CSMD1: variants seen among roughly 807,000 people sequenced by gnomAD.
The protein encoded by CSMD1 is CUB and Sushi multiple domains 1, also known as CUB and sushi domain-containing protein 1.
A neutral mutation model predicts 417.5 loss-of-function variants in CSMD1; 213 were observed. The observed-to-expected ratio is 0.51, with a 90% CI of 0.46 to 0.57. CSMD1 has a LOEUF of 0.57. CSMD1 is among the 20% of genes least tolerant of loss of function. The pLI is 0.00. For synonymous variants in CSMD1, 2,862 were observed against 1,736.8 expected, an observed-to-expected ratio of 1.65 and a Z score of -16.11; for missense variants, 6,923 against 4,529.7, an observed-to-expected ratio of 1.53 and a Z score of -15.17.
At chr8:3,267,046 T>C (rs2117124998) in intron 26 of CSMD1, among the ~76,000 whole-genome samples, 1 of 152,292 alleles carries the variant, frequency 6.6e-6, no homozygotes, top group Non-Finnish European at 1.5e-5. Context: ...TGTCAGAGAC[T>C]TGAGCATATT....
At chr8:3,969,352 C>G (rs1184409009) in intron 5 of CSMD1, among the ~76,000 whole-genome samples, 1 of 152,194 alleles carries the variant, frequency 6.6e-6, no homozygotes. Flanking sequence ...CCTAATGGAA[C>G]ATCACAGAAT....
At chr8:3,923,804 C>G (rs1029184739) in intron 5 of CSMD1, among the ~76,000 whole-genome samples, 1 of 152,166 alleles carries the variant, frequency 6.6e-6, no homozygotes, top group Admixed American at 6.5e-5. Context: ...TACCACTGTT[C>G]TACTCCCTGC....
chr8:4,704,281 C>T (rs146143965), intron 1 of CSMD1, among the ~76,000 whole-genome samples: 1 of 152,182 alleles, frequency 6.6e-6, no homozygotes, highest in African/African-American at 2.4e-5. Flanking sequence ...AAAACAGAGA[C>T]TTTTACTTAT....
chr8:4,662,771 A>G (rs893489465), intron 1 of CSMD1, among the ~76,000 whole-genome samples: 7 of 152,178 alleles, frequency 4.6e-5, no homozygotes, highest in Non-Finnish European at 1.0e-4. Context: ...TGATGCTCAC[A>G]TTCCTTTTCC....
chr8:4,927,972 C>T (rs1806983919), intron 1 of CSMD1, among the ~76,000 whole-genome samples: 2 of 152,074 alleles, frequency 1.3e-5, no homozygotes, highest in South Asian at 4.1e-4. Context: ...TCTTTCAGAC[C>T]CAAGTCTGTG....
intron 2 of CSMD1, among the ~76,000 whole-genome samples, chr8:4,615,235 C>T (rs1341647825): frequency 1.3e-5 from 2 of 152,130 alleles, no homozygotes; most frequent in Non-Finnish European, 2.9e-5. Context: ...CCCATGTGAA[C>T]ACAACACACC....
chr8:4,903,319 G>C (rs1044744650), intron 1 of CSMD1, among the ~76,000 whole-genome samples: 4 of 152,058 alleles, frequency 2.6e-5, no homozygotes, highest in Non-Finnish European at 4.4e-5. Flanking sequence ...TTGCTTTATG[G>C]ATAAAATTAC....
At position 4,437,968 on chromosome 8, in the gene CSMD1, A is replaced by T. The variant is rs188655687; in HGVS notation, c.303-17903T>A. ...CTAAGTGTTTTCCATGTATTTTCTC[A>T]TAAATGTTGACAGAAACCCAATAAA... On this transcript the variant is annotated intron_variant, in intron 2 of 69. Transcript: ENST00000635120. Among the ~76,000 whole-genome samples the T allele has an allele frequency of 6.4e-4, 97 of 152,236 alleles. 2 individuals are homozygous for T. The highest frequency in any genetic ancestry group is 3.4e-3 in the Middle Eastern group (1 of 294).
At chr8:3,874,611 G>A (rs1037821306) in intron 5 of CSMD1, among the ~76,000 whole-genome samples, 2 of 152,132 alleles carry the variant, frequency 1.3e-5, no homozygotes, top group Non-Finnish European at 2.9e-5. Context: ...AGTAGATTAA[G>A]TCTCACATGT....
At chr8:3,841,666 A>G (rs1213238858) in intron 5 of CSMD1, among the ~76,000 whole-genome samples, 1 of 152,196 alleles carries the variant, frequency 6.6e-6, no homozygotes, top group Non-Finnish European at 1.5e-5. Context: ...AAAAAAAACC[A>G]TGAATATGAT....
chr8:4,662,998 T>A (rs1042532091), intron 1 of CSMD1, among the ~76,000 whole-genome samples: 4 of 152,228 alleles, frequency 2.6e-5, no homozygotes, highest in African/African-American at 7.2e-5. Context: ...TGGAGAAGGC[T>A]TTTGTTTTGT....
chr8:4,987,645 T>C (rs1052170841), intron 1 of CSMD1, among the ~76,000 whole-genome samples: 1 of 152,122 alleles, frequency 6.6e-6, no homozygotes, highest in Non-Finnish European at 1.5e-5. Flanking sequence ...CATGATTGGA[T>C]TGGAGGATGA....
At chr8:3,334,060 G>A (rs1807079376) in intron 23 of CSMD1, among the ~76,000 whole-genome samples, 1 of 152,158 alleles carries the variant, frequency 6.6e-6, no homozygotes, top group Non-Finnish European at 1.5e-5. Flanking sequence ...TCATAGCCAG[G>A]GAGGTGAAGG....
chr8:3,658,276 T>C (rs1030620724), intron 7 of CSMD1, among the ~76,000 whole-genome samples: 11 of 152,076 alleles, frequency 7.2e-5, no homozygotes, highest in African/African-American at 7.2e-5. Context: ...TTTTTTCTTA[T>C]CAATGATTGT....
intron 1 of CSMD1, among the ~76,000 whole-genome samples, chr8:4,814,917 G>T (rs117066547): frequency 6.6e-6 from 1 of 152,192 alleles, no homozygotes; most frequent in African/African-American, 2.4e-5. Context: ...CTACGTATTT[G>T]GTTGAATAAA....
intron 3 of CSMD1, among the ~76,000 whole-genome samples, chr8:4,250,058 C>T (rs1425638722): frequency 6.6e-6 from 1 of 152,168 alleles, no homozygotes; most frequent in Non-Finnish European, 1.5e-5. Context: ...AAAGAGGGCT[C>T]TCAGAGTGGG....
intron 3 of CSMD1, among the ~76,000 whole-genome samples, chr8:4,052,134 A>T (rs1798464481): frequency 6.6e-6 from 1 of 151,950 alleles, no homozygotes; most frequent in Non-Finnish European, 1.5e-5. Context: ...CATGTTGGTC[A>T]GGGTGGTCTC....
At chr8:4,253,304 T>A (rs1803211970) in intron 3 of CSMD1, among the ~76,000 whole-genome samples, 1 of 152,198 alleles carries the variant, frequency 6.6e-6, no homozygotes, top group South Asian at 2.1e-4. Flanking sequence ...TCTTCAATAT[T>A]CATGTTTTGT....
In CSMD1 at chr8:4,760,289, G is replaced by A. The variant is rs186415173; in HGVS notation, c.86-122731C>T. Among the ~76,000 whole-genome samples, 929 of 152,270 alleles carry A rather than the reference G, an allele frequency of 6.1e-3. 12 individuals are homozygous for A. The highest frequency in any genetic ancestry group is 0.021 in the African/African-American group (878 of 41,542). Reference sequence around the variant, plus strand: ...ATGCAAATATACCAGCCTTTGGCATGTGAAGATAATTCTTCTAATCCTTAT... The same window carrying A: ...ATGCAAATATACCAGCCTTTGGCATATGAAGATAATTCTTCTAATCCTTAT... On this transcript the variant is annotated intron_variant, in intron 1 of 69. Transcript: ENST00000635120.
Sources: allele counts gnomAD v4.1 joint callset (sites outside exome capture counted in the v4.1 genomes callset), GRCh38; gene constraint gnomAD v4.1.1; transcripts MANE v1.5; gene names NCBI Gene and HGNC (gene_info 2026-07-23, HGNC 2026-07-21).